The following FAAP20 variants were observed in gnomAD, a reference collection of about 807,000 sequenced individuals.
The protein encoded by FAAP20 is FA core complex associated protein 20.
In FAAP20, 12 loss-of-function variants were observed where a neutral mutation model predicts 16.2. That is an observed-to-expected ratio of 0.74 (90% CI 0.48 to 1.20). The LOEUF (loss-of-function observed/expected upper bound fraction) is 1.20. Ranked by LOEUF, FAAP20 falls within the 50% of genes most tolerant of loss-of-function variation. The probability of loss-of-function intolerance (pLI) is 0.00; values close to 1 mark genes in which losing one functional copy is unlikely to be tolerated. For missense variants in FAAP20, 288 were observed against 245.8 expected (o/e 1.17, Z -1.15); for synonymous variants, 141 against 110.7 (o/e 1.27, Z -1.72).
downstream of FAAP20, chr1:2,184,535 G>T: frequency 7.0e-7 from 1 of 1,429,842 alleles, no homozygotes. Context: ...CAATCTGGTA[G>T]GGATGATGCC....
At chr1:2,185,033 A>G (rs755735985), downstream of FAAP20, 2 of 1,586,922 alleles carry the variant, frequency 1.3e-6, no homozygotes, top group African/African-American at 1.3e-5. Flanking sequence ...TCTGTCGTGG[A>G]CACGCGTGAT....
At chr1:2,187,129 T>C (rs2100619726), downstream of FAAP20, 2 of 468,484 alleles carry the variant, frequency 4.3e-6, no homozygotes. Flanking sequence ...ATGGAGCCCG[T>C]GGCTGGCCGG....
chr1:2,193,533 G>C, intron 3 of FAAP20, 106 bp downstream of exon 3: 1 of 1,494,324 alleles, frequency 6.7e-7, no homozygotes, highest in Non-Finnish European at 8.9e-7. Flanking sequence ...GTGAAACAGG[G>C]CTTTAAAAGC....
upstream of FAAP20, chr1:2,198,954 T>C (rs777821978): frequency 1.6e-6 from 2 of 1,289,398 alleles, no homozygotes; most frequent in South Asian, 2.5e-5. Flanking sequence ...CGCCAGATCT[T>C]TGGGGCAGCA....
chr1:2,194,905 C>A (rs915059092), upstream of FAAP20: 53 of 682,456 alleles, frequency 7.8e-5, no homozygotes, highest in Non-Finnish European at 9.3e-5. Flanking sequence ...TGTAGGGAAA[C>A]TGAGGCCAGG....
downstream of FAAP20, among the ~76,000 whole-genome samples, chr1:2,210,532 G>A (rs943969570): frequency 3.9e-5 from 6 of 152,140 alleles, no homozygotes; most frequent in Admixed American, 6.5e-5. Flanking sequence ...CTTCGGCAAT[G>A]AGACCCCAGC....
At chr1:2,203,439 T>A, upstream of FAAP20, 1 of 985,740 alleles carries the variant, frequency 1.0e-6, no homozygotes, top group Non-Finnish European at 1.2e-6. Context: ...GCCTCACCGG[T>A]GCAGGCCACC....
At chr1:2,211,030 G>C (rs1429177739), downstream of FAAP20, among the ~76,000 whole-genome samples, 2 of 152,138 alleles carry the variant, frequency 1.3e-5, no homozygotes, top group Non-Finnish European at 2.9e-5. Context: ...CCCTAGAGCT[G>C]TGCGACCTGG....
intron 1 of FAAP20, among the ~76,000 whole-genome samples, chr1:2,206,819 C>G (rs1375674540): frequency 7.5e-6 from 1 of 133,366 alleles, no homozygotes; most frequent in African/African-American, 2.8e-5. Context: ...GGCAACGGAG[C>G]GAGACTGTCT....
downstream of FAAP20, chr1:2,186,139 T>C (rs1274158660): frequency 8.9e-6 from 4 of 449,118 alleles, no homozygotes; most frequent in Non-Finnish European, 1.8e-5. Flanking sequence ...TGCCTCTGAG[T>C]GAGGCCTGGT....
chr1:2,184,897 TC>T (rs767095736), downstream of FAAP20: 12 of 1,588,196 alleles, frequency 7.6e-6, no homozygotes, highest in East Asian at 2.2e-5. Context: ...GTCACCCCCC[TC>T]CCCCCTGCCA....
rs1557784871 is a variant in FAAP20 at position 2,194,750 on chromosome 1, C to G, written c.-1G>C. 19 of 1,184,962 alleles carry G rather than the reference C, an allele frequency of 1.6e-5. No individual in the cohort carries two copies. The highest frequency in any genetic ancestry group is 2.0e-5 in the Non-Finnish European group (19 of 959,250). The allele number at this position is 1,184,962 out of a possible 1,614,324, so 73.4% of individuals were successfully genotyped here. A position where few individuals can be genotyped will look rare whatever the true frequency, so the allele number is the denominator to read the frequency against. Reference sequence around the variant, plus strand: ...GCCGCGGCCTCCGCGCCGCCTCCATCCAAGCCCGCGCCGGGCGGAAGTGAG... The same window carrying G: ...GCCGCGGCCTCCGCGCCGCCTCCATGCAAGCCCGCGCCGGGCGGAAGTGAG... On this transcript the variant is annotated 5_prime_UTR_variant, in exon 1 of 4. Coordinates refer to ENST00000378546, the MANE Select transcript of FAAP20 (RefSeq NM_182533.4).
chr1:2,192,053 C>T, intron 3 of FAAP20: 2 of 985,464 alleles, frequency 2.0e-6, no homozygotes. Context: ...CCGCCTCTGC[C>T]AGGGCTCCAG....
chr1:2,207,509 C>A (rs930287159), downstream of FAAP20: 1 of 152,342 alleles, frequency 6.6e-6, no homozygotes, highest in Admixed American at 6.5e-5. Context: ...TCCCCGTCGC[C>A]CACTCGGCAT....
Position 2,190,411 on chromosome 1 carries a change from C to T in FAAP20, c.471-630G>A, listed in dbSNP as rs145881709. The T allele has an allele frequency of 2.5e-3, 1,111 of 447,918 alleles. 18 individuals are homozygous for T. The highest frequency in any genetic ancestry group is 0.02 in the African/African-American group (979 of 50,032). The allele number at this position is 447,918 out of a possible 1,614,324, so 27.7% of individuals were successfully genotyped here. ...CAGGGGTGGCAGGAGAAAACCCATCCGAGTCCTGCAGGTCAGCGCCCTGGG... is the reference window on the plus strand; with the variant it reads ...CAGGGGTGGCAGGAGAAAACCCATCTGAGTCCTGCAGGTCAGCGCCCTGGG... On this transcript the variant is annotated intron_variant, in intron 3 of 3. Transcript: ENST00000378546.
downstream of FAAP20, among the ~76,000 whole-genome samples, chr1:2,209,352 G>A (rs1689373397): frequency 6.6e-6 from 1 of 152,194 alleles, no homozygotes; most frequent in African/African-American, 2.4e-5. Context: ...TTCCTTTTAA[G>A]AACATGGACC....
Position 2,194,119 on chromosome 1 carries a change from C to T in FAAP20, c.77G>A (p.Arg26His), listed in dbSNP as rs1572117182. The T allele has an allele frequency of 1.2e-6, 2 of 1,612,122 alleles. No homozygotes were observed. The highest frequency in any genetic ancestry group is 2.2e-5 in the East Asian group (1 of 44,832). The change falls in exon 2 of 4, where the codon CGC becomes CAC. Residue 26 changes from arginine (R) to histidine (H), a missense_variant. Physicochemically the swap from Arg to His is conservative, Grantham distance 29. Transcript: ENST00000378546. Reference protein sequence around the residue: ...PRPAGGPSGGRPWFLLGGDER... With the variant: ...PRPAGGPSGGHPWFLLGGDER... Reference sequence around the variant, plus strand: ...ATCACCCCCCAGGAGAAACCAGGGGCGGCCGCCAGAAGGCCTGGGGCAGAC... The same window carrying T: ...ATCACCCCCCAGGAGAAACCAGGGGTGGCCGCCAGAAGGCCTGGGGCAGAC...
chr1:2,198,725 C>A, upstream of FAAP20: 1 of 1,277,076 alleles, frequency 7.8e-7, no homozygotes, highest in Non-Finnish European at 1.0e-6. Context: ...TGGCCCAGCA[C>A]CCACACACGG....
upstream of FAAP20, among the ~76,000 whole-genome samples, chr1:2,204,056 T>C (rs865948725): frequency 2.0e-5 from 3 of 152,202 alleles, no homozygotes; most frequent in African/African-American, 4.8e-5. Flanking sequence ...AGCTCACATC[T>C]GGGCAGTTGG....
Sources: gnomAD v4.1 joint callset for allele counts (sites outside exome capture counted in the v4.1 genomes callset) on GRCh38, gnomAD v4.1.1 for gene constraint, MANE v1.5 for transcripts, NCBI Gene and HGNC (gene_info 2026-07-23, HGNC 2026-07-21) for gene names.